ADGRL3: variants seen among roughly 807,000 people sequenced by gnomAD.
The protein encoded by ADGRL3 is adhesion G protein-coupled receptor L3.
Under a neutral mutation model 153.5 loss-of-function variants are expected in ADGRL3, and 62 were observed. The ratio of observed to expected loss-of-function variants is 0.40; its 90% CI spans 0.33 to 0.50. The LOEUF is 0.50. ADGRL3 is among the 20% of genes least tolerant of loss of function. The pLI is 0.47. For synonymous variants in ADGRL3, 710 were observed against 672.5 expected, an observed-to-expected ratio of 1.06 and a Z score of -0.86; for missense variants, 1,641 against 1,859.4, an observed-to-expected ratio of 0.88 and a Z score of 2.16.
chr4:62,037,414 G>C (rs934375563), intron 23 of ADGRL3, among the ~76,000 whole-genome samples: 1 of 152,046 alleles, frequency 6.6e-6, no homozygotes, highest in Non-Finnish European at 1.5e-5. Context: ...GCTAAAAATA[G>C]TATCTTCAAT....
intron 2 of ADGRL3, among the ~76,000 whole-genome samples, chr4:61,430,027 CTG>C (rs2097336135): frequency 1.3e-5 from 2 of 152,108 alleles, no homozygotes; most frequent in Non-Finnish European, 2.9e-5. Context: ...ACTATCCTAA[CTG>C]AATGCTTTAT....
chr4:61,206,897 C>T (rs1304346585), intron 1 of ADGRL3, among the ~76,000 whole-genome samples: 9 of 151,916 alleles, frequency 5.9e-5, no homozygotes, highest in East Asian at 1.9e-4. Context: ...GCAGGAGAAT[C>T]GCTGGAACCC....
Position 61,485,914 on chromosome 4 carries a change from C to CT in ADGRL3, c.-173-11195dup, listed in dbSNP as rs5858704. On this transcript the variant is annotated intron_variant, in intron 2 of 26. Transcript: ENST00000683033. ...GCTCATTAGTCTCAGCTATGGAATG[C>CT]TTTTTTTTTTTTGTTTTGTTTGTTT... Among the ~76,000 whole-genome samples the CT allele has an allele frequency of 4.1e-3, 605 of 147,638 alleles. 3 individuals carry two copies. The highest frequency in any genetic ancestry group is 0.014 in the African/African-American group (580 of 40,298).
chr4:61,265,385 G>A (rs2092786923), intron 1 of ADGRL3, among the ~76,000 whole-genome samples: 1 of 151,792 alleles, frequency 6.6e-6, no homozygotes, highest in Admixed American at 6.6e-5. Context: ...TATGCCTGAT[G>A]ATTCTGGGCT....
intron 8 of ADGRL3, among the ~76,000 whole-genome samples, chr4:61,795,138 A>C (rs2097393840): frequency 6.6e-6 from 1 of 152,022 alleles, no homozygotes; most frequent in Admixed American, 6.6e-5. Flanking sequence ...GCTCAACCTA[A>C]ATTTATGTAT....
chr4:61,839,909 T>C (rs1486725308), intron 9 of ADGRL3, among the ~76,000 whole-genome samples: 1 of 150,046 alleles, frequency 6.7e-6, no homozygotes, highest in South Asian at 2.1e-4. Context: ...ATGATTAGGC[T>C]ATAGCACTCC....
intron 5 of ADGRL3, among the ~76,000 whole-genome samples, chr4:61,664,349 A>G (rs1247075154): frequency 1.3e-5 from 2 of 152,162 alleles, no homozygotes; most frequent in African/African-American, 4.8e-5. Context: ...TAAATTTTAA[A>G]TGTGGTTTGG....
intron 5 of ADGRL3, among the ~76,000 whole-genome samples, chr4:61,654,950 T>C (rs2094399786): frequency 6.6e-6 from 1 of 152,168 alleles, no homozygotes; most frequent in Admixed American, 6.6e-5. Context: ...CTCATGTACG[T>C]AAGTCTATAG....
At chr4:61,580,619 G>A (rs565288937) in intron 4 of ADGRL3, among the ~76,000 whole-genome samples, 1 of 152,096 alleles carries the variant, frequency 6.6e-6, no homozygotes, top group East Asian at 1.9e-4. Flanking sequence ...TTAATTAGTT[G>A]GGTATAGCCC....
At chr4:61,269,287 CCTT>C in intron 1 of ADGRL3, among the ~76,000 whole-genome samples, 1 of 151,612 alleles carries the variant, frequency 6.6e-6, no homozygotes, top group Non-Finnish European at 1.5e-5. Context: ...TTTGCCTTCT[CCTT>C]CTTCCTTTTC....
chr4:61,309,663 A>G (rs1376165797), intron 1 of ADGRL3, among the ~76,000 whole-genome samples: 3 of 152,110 alleles, frequency 2.0e-5, no homozygotes, highest in Non-Finnish European at 2.9e-5. Flanking sequence ...CTTAATTTTT[A>G]GATGTGTTCA....
intron 21 of ADGRL3, among the ~76,000 whole-genome samples, chr4:62,016,822 C>A (rs768799443): frequency 6.6e-6 from 1 of 151,784 alleles, no homozygotes; most frequent in Non-Finnish European, 1.5e-5. Context: ...TTCATACACA[C>A]GTCTATATCT....
intron 2 of ADGRL3, among the ~76,000 whole-genome samples, chr4:61,411,355 C>A (rs1578707228): frequency 6.6e-6 from 1 of 151,958 alleles, no homozygotes; most frequent in Non-Finnish European, 1.5e-5. Flanking sequence ...ATGTTTTCTT[C>A]TTGTAAGTTT....
At chr4:61,382,404 T>G (rs1180618629) in intron 1 of ADGRL3, among the ~76,000 whole-genome samples, 2 of 151,598 alleles carry the variant, frequency 1.3e-5, no homozygotes, top group Non-Finnish European at 3.0e-5. Flanking sequence ...TGCAAAACCA[T>G]TAGAAAATAT....
Position 61,371,662 on chromosome 4 carries a change from C to A in ADGRL3, c.-239-11462C>A, listed in dbSNP as rs185871718. Among the ~76,000 whole-genome samples, 1,064 of 152,266 alleles carry A rather than the reference C, an allele frequency of 7.0e-3. 15 individuals are homozygous for A. Among genetic ancestry groups the A allele is most frequent in the African/African-American group, 0.024 (982 of 41,554 alleles). On this transcript the variant is annotated intron_variant, in intron 1 of 26. Transcript: ENST00000683033. ...GACCTTTCTCTCTGGCTACCCTTAA[C>A]ATTTTTTCCTTCATTTCAACTTTGG...
intron 6 of ADGRL3, among the ~76,000 whole-genome samples, chr4:61,715,786 G>A (rs2151548910): frequency 6.6e-6 from 1 of 152,028 alleles, no homozygotes; most frequent in East Asian, 1.9e-4. Flanking sequence ...AGAACTTGGA[G>A]AGATGGGCTT....
intron 1 of ADGRL3, among the ~76,000 whole-genome samples, chr4:61,352,420 A>T (rs993011097): frequency 6.6e-6 from 1 of 150,822 alleles, no homozygotes; most frequent in Non-Finnish European, 1.5e-5. Context: ...ATGAAATTTC[A>T]CTCTGTCACC....
chr4:61,413,000 TG>T (rs2097105239), intron 2 of ADGRL3, among the ~76,000 whole-genome samples: 1 of 152,210 alleles, frequency 6.6e-6, no homozygotes, highest in South Asian at 2.1e-4. Flanking sequence ...GAAAACTGGA[TG>T]ATCTGTGTAT....
At position 61,573,113 on chromosome 4, in the gene ADGRL3, C is replaced by G. The variant is rs899879910; in HGVS notation, c.260-14114C>G. Among the ~76,000 whole-genome samples, 9 of 151,954 alleles carry G rather than the reference C, an allele frequency of 5.9e-5. 1 individual carries two copies. The highest frequency in any genetic ancestry group is 2.0e-4 in the Admixed American group (3 of 15,232). On this transcript the variant is annotated intron_variant, in intron 4 of 26. Coordinates refer to ENST00000683033, the MANE Select transcript of ADGRL3 (RefSeq NM_001387552.1). The stretch of plus-strand genomic sequence containing the variant: ...TTATTCAATAAAAATTCAACACCAA[C>G]AGTGTGCTAAGCATAGTGTAAGGTA...
Sources: gnomAD v4.1 joint callset for allele counts (sites outside exome capture counted in the v4.1 genomes callset) on GRCh38, gnomAD v4.1.1 for gene constraint, MANE v1.5 for transcripts, NCBI Gene and HGNC (gene_info 2026-07-23, HGNC 2026-07-21) for gene names.